The following LILRA5 variants were observed in gnomAD, a reference collection of about 807,000 sequenced individuals.
LILRA5 encodes the protein leukocyte immunoglobulin like receptor A5, also known as leukocyte immunoglobulin-like receptor subfamily A member 5.
Under a neutral mutation model 36.3 loss-of-function variants are expected in LILRA5, and 31 were observed. The observed-to-expected ratio is 0.85, with a 90% CI of 0.64 to 1.15. The LOEUF (loss-of-function observed/expected upper bound fraction) is 1.15, where lower values mean the gene tolerates loss of function less well. Ranked by LOEUF, LILRA5 falls within the 50% of genes most tolerant of loss-of-function variation. LILRA5 has a pLI of 0.00. For missense variants in LILRA5, 348 were observed against 377.4 expected (o/e 0.92, Z 0.64); for synonymous variants, 144 against 144.8 (o/e 0.99, Z 0.04).
intron 5 of LILRA5, chr19:54,311,037 C>A (rs976735468): frequency 3.2e-5 from 10 of 311,310 alleles, no homozygotes; most frequent in Non-Finnish European, 5.1e-5. Flanking sequence ...CTCACTGCAA[C>A]CTCCGCCTCC....
At chr19:54,307,589 G>T (rs749143642) in intron 6 of LILRA5, 40 bp from the exon 7 acceptor site, 4 of 1,613,690 alleles carry the variant, frequency 2.5e-6, no homozygotes, top group Non-Finnish European at 3.4e-6. Flanking sequence ...GGTCAGGGCA[G>T]ATCAGTATCA....
rs2080934219 is a variant in LILRA5, at chr19:54,308,370, T to TATATATAA, written c.713-623_713-622insTTATATAT. 4 of 34,780 alleles carry TATATATAA rather than the reference T, an allele frequency of 1.2e-4. No individual in the cohort carries two copies. The East Asian group carries it at 3.0e-3, about 26-fold the overall frequency. The allele number at this position is 34,780 out of a possible 1,614,324, so 2.2% of individuals were successfully genotyped here. A position where few individuals can be genotyped will look rare whatever the true frequency, so the allele number is the denominator to read the frequency against. On this transcript the variant is annotated intron_variant, in intron 5 of 6. Transcript: ENST00000432233. ...GTATATATAAATATATATATATATA[T>TATATATAA]ATATATATATATATATATATATATA... is the stretch of plus-strand genomic sequence containing the variant.
chr19:54,307,708 G>A lies in LILRA5; in HGVS notation c.753C>T (p.Asp251=). 6.2e-7 allele frequency: 1 copy of A among 1,614,142 alleles called. No homozygotes were observed. The highest frequency in any genetic ancestry group is 8.5e-7 in the Non-Finnish European group (1 of 1,180,012). The change falls in exon 6 of 7, where the codon GAC becomes GAT. Residue 251 remains aspartate (D), a synonymous_variant. Transcript: ENST00000432233. ...DNLSPSQNKS[D]SGTASHLQDY... is the part of the protein sequence containing the mutation. ...CATCTCCTCACTCACCAGTCCCAGAGTCAGACTTGTTTTGTGACGGACTGA... is the reference window on the plus strand; with the variant it reads ...CATCTCCTCACTCACCAGTCCCAGAATCAGACTTGTTTTGTGACGGACTGA...
chr19:54,309,967 G>A (rs976693708), intron 5 of LILRA5: 10 of 286,688 alleles, frequency 3.5e-5, no homozygotes, highest in Middle Eastern at 9.6e-4. Flanking sequence ...GAGCACAGGA[G>A]GGGCGGTGTG....
At position 54,313,142 on chromosome 19, in the gene LILRA5, G is replaced by T; in HGVS notation, c.-123C>A. 2.0e-6 allele frequency: 2 copies of T among 1,020,554 alleles called. No homozygotes were observed. The highest frequency in any genetic ancestry group is 3.0e-6 in the Non-Finnish European group (2 of 657,276). The allele number at this position is 1,020,554 out of a possible 1,614,324, so 63.2% of individuals were successfully genotyped here. A position where few individuals can be genotyped will look rare whatever the true frequency, so the allele number is the denominator to read the frequency against. On this transcript the variant is annotated 5_prime_UTR_variant, in exon 1 of 7. Transcript: ENST00000432233. ...GTGTAGCCCAGGCTGAGCTGCATGT[G>T]GCAATGAGCACAGAGGAGAAATGCA... is the stretch of plus-strand genomic sequence containing the variant.
intron 5 of LILRA5, chr19:54,309,959 G>A (rs867203311): frequency 5.6e-5 from 15 of 268,516 alleles, no homozygotes; most frequent in Middle Eastern, 4.8e-4. Context: ...CTCCAGGTGA[G>A]CACAGGAGGG....
intron 5 of LILRA5, chr19:54,310,157 G>C: frequency 1.2e-5 from 2 of 170,508 alleles, no homozygotes; most frequent in South Asian, 2.0e-4. Context: ...GAAATGAGAA[G>C]TGAGAGCTGC....
In LILRA5 at chr19:54,311,634, T is replaced by G; in HGVS notation, c.492A>C (p.Ser164=). The change falls in exon 5 of 7, where the codon TCA becomes TCC. Residue 164 remains serine, a synonymous_variant. Coordinates refer to ENST00000432233, the MANE Select transcript of LILRA5 (RefSeq NM_021250.4). ...GAATGAACCTGTCGAATCTCAGCCG[T>G]GAGCCACACTGGAGGGTCACGTTCT... ...SGENVTLQCG[S]RLRFDRFILT... 1 of 1,614,116 alleles carries G rather than the reference T, an allele frequency of 6.2e-7. No individual in the cohort carries two copies. Among genetic ancestry groups the G allele is most frequent in the Non-Finnish European group, 8.5e-7 (1 of 1,180,000 alleles).
intron 5 of LILRA5, chr19:54,308,048 C>A: frequency 2.4e-6 from 1 of 415,702 alleles, no homozygotes; most frequent in Non-Finnish European, 4.5e-6. Context: ...GTCACTGAGC[C>A]CTTTGTGCTC....
At chr19:54,311,362 C>T in intron 5 of LILRA5, 52 bp downstream of exon 5, 1 of 1,614,142 alleles carries the variant, frequency 6.2e-7, no homozygotes, top group Non-Finnish European at 8.5e-7. Flanking sequence ...AAGCTCTCCA[C>T]AACCTGTCTG....
intron 6 of LILRA5, 60 bp from the exon 7 acceptor site, chr19:54,307,609 C>G (rs1569137629): frequency 3.1e-6 from 5 of 1,613,448 alleles, no homozygotes; most frequent in Non-Finnish European, 4.2e-6. Context: ...ACCCAGGACC[C>G]CTGGATGTCT....
intron 1 of LILRA5, 103 bp from the exon 2 acceptor site, chr19:54,312,724 C>T: frequency 8.7e-7 from 1 of 1,151,288 alleles, no homozygotes; most frequent in Admixed American, 2.1e-5. Context: ...GAACTGCTCT[C>T]CCCAGGAGCC....
chr19:54,312,375 AAG>A lies in LILRA5; in HGVS notation c.89-7_89-6del, dbSNP rs1224201408. 19 of 1,614,040 alleles carry A rather than the reference AAG, an allele frequency of 1.2e-5. No individual in the cohort carries two copies. The highest frequency in any genetic ancestry group is 1.6e-5 in the Non-Finnish European group (19 of 1,180,022). ...TCCTGGGGCCCAGACTCAGCCCTGG[AAG>A]AGAGTTCCCTGTGAGAGATTTGCCT... On this transcript the variant is annotated splice_polypyrimidine_tract_variant and splice_region_variant and intron_variant, in intron 2 of 6. Transcript: ENST00000432233.
At chr19:54,308,040 C>T (rs146701663) in intron 5 of LILRA5, 223 of 438,706 alleles carry the variant, frequency 5.1e-4, no homozygotes, top group African/African-American at 4.1e-3. Flanking sequence ...CCCCAGAAGT[C>T]ACTGAGCCCT....
At position 54,311,275 on chromosome 19, in the gene LILRA5, C is replaced by T. The variant is rs912327905; in HGVS notation, c.712+139G>A. The T allele has an allele frequency of 1.7e-5, 27 of 1,582,342 alleles. 1 individual carries two copies. The South Asian group carries it at 2.5e-4, about 15-fold the overall frequency. Reference sequence around the variant, plus strand: ...CCAGCCCTTGCTTTGTTTTCCTCACCCTGAATTTGTGTCCCTAGGATTTCT... The same window carrying T: ...CCAGCCCTTGCTTTGTTTTCCTCACTCTGAATTTGTGTCCCTAGGATTTCT... On this transcript the variant is annotated intron_variant, in intron 5 of 6. Coordinates refer to ENST00000432233, the MANE Select transcript of LILRA5 (RefSeq NM_021250.4).
At chr19:54,310,215 C>G (rs1487932333) in intron 5 of LILRA5, 1 of 166,768 alleles carries the variant, frequency 6.0e-6, no homozygotes, top group Non-Finnish European at 1.3e-5. Flanking sequence ...GCCTCTCTTC[C>G]TCCTCCATCA....
intron 1 of LILRA5, 45 bp from the exon 2 acceptor site, chr19:54,312,666 G>A (rs374588269): frequency 3.2e-6 from 5 of 1,574,156 alleles, no homozygotes; most frequent in Non-Finnish European, 4.4e-6. Context: ...CTCGGAGGCT[G>A]GGTCCTTCTT....
intron 5 of LILRA5, chr19:54,310,125 G>C (rs2080979386): frequency 8.9e-6 from 1 of 112,476 alleles, no homozygotes; most frequent in African/African-American, 3.7e-5. Context: ...TGGGTGAGGG[G>C]CTCCATCCTC....
In LILRA5 at chr19:54,311,882, G is replaced by A; in HGVS notation, c.391C>T (p.Leu131=). Residue 131 remains leucine, a synonymous_variant, in exon 4 of 7, where the codon CTG becomes TTG. Coordinates refer to ENST00000432233, the MANE Select transcript of LILRA5 (RefSeq NM_021250.4). ...CTCTCACCTGTCACCACCAGCTCCAGGGGGTCGCTGGGCTCTGACCAGCCT... is the reference window on the plus strand; with the variant it reads ...CTCTCACCTGTCACCACCAGCTCCAAGGGGTCGCTGGGCTCTGACCAGCCT... ...PAGWSEPSDP[L]ELVVTGFYNK... 1 of 1,614,170 alleles carries A rather than the reference G, an allele frequency of 6.2e-7. No homozygotes were observed. The highest frequency in any genetic ancestry group is 8.5e-7 in the Non-Finnish European group (1 of 1,180,016).
Sources: allele counts gnomAD v4.1 joint callset, GRCh38; gene constraint gnomAD v4.1.1; transcripts MANE v1.5; gene names NCBI Gene and HGNC (gene_info 2026-07-23, HGNC 2026-07-21).